RXRA: variants seen among roughly 807,000 people sequenced by gnomAD.
RXRA encodes retinoic acid receptor RXR-alpha.
In RXRA, 5 loss-of-function variants were observed where a neutral mutation model predicts 44.5. The ratio of observed to expected loss-of-function variants is 0.11; its 90% confidence interval spans 0.06 to 0.24. The LOEUF (loss-of-function observed/expected upper bound fraction) is 0.24, where lower values mean the gene tolerates loss of function less well. Among genes scored for constraint, RXRA ranks in the 10% least tolerant of loss-of-function variants. The pLI, the probability that RXRA is intolerant of heterozygous loss-of-function variation, is 1.00. For missense variants in RXRA, 412 were observed against 646.5 expected (o/e 0.64, Z 3.93); for synonymous variants, 291 against 271.4 (o/e 1.07, Z -0.71).
intron 1 of RXRA, among the ~76,000 whole-genome samples, chr9:134,348,392 G>A (rs1313977512): frequency 2.0e-5 from 3 of 152,202 alleles, no homozygotes; most frequent in African/African-American, 7.2e-5. Context: ...TCTTCAGGAT[G>A]CAGGGCAGTG....
chr9:134,337,527 C>T (rs1193879584), intron 1 of RXRA, among the ~76,000 whole-genome samples: 1 of 152,170 alleles, frequency 6.6e-6, no homozygotes, highest in African/African-American at 2.4e-5. Flanking sequence ...TGTAAGGTAT[C>T]CCTGACCCCA....
chr9:134,359,366 G>A (rs1215240301), intron 1 of RXRA, among the ~76,000 whole-genome samples: 2 of 152,072 alleles, frequency 1.3e-5, no homozygotes, highest in Non-Finnish European at 2.9e-5. Flanking sequence ...TGGCAATAAC[G>A]AGCTAATTAA....
chr9:134,335,072 A>G (rs566928470), intron 1 of RXRA, among the ~76,000 whole-genome samples: 1 of 152,176 alleles, frequency 6.6e-6, no homozygotes, highest in South Asian at 2.1e-4. Context: ...CTTGCCTGGA[A>G]CCTTCCATGG....
rs145173849 is a variant in RXRA at position 134,374,705 on chromosome 9, T to A, written c.29-26927T>A. 3.9e-3 allele frequency among the ~76,000 whole-genome samples: 587 copies of A among 152,350 alleles called. 3 individuals carry two copies. The highest frequency in any genetic ancestry group is 0.013 in the African/African-American group (530 of 41,582). On this transcript the variant is annotated intron_variant, in intron 1 of 9. Transcript: ENST00000481739. ...GGTGGTAAAATTTAGACCTTTTGCC[T>A]CCTGGCGACTTCCTTCTTCAGTTTC...
chr9:134,411,211 C>G (rs1299899828), intron 4 of RXRA, among the ~76,000 whole-genome samples: 2 of 152,208 alleles, frequency 1.3e-5, no homozygotes, highest in African/African-American at 2.4e-5. Flanking sequence ...TTCCTAAGGC[C>G]CTGCAGCCCA....
chr9:134,348,837 G>A (rs917854938), intron 1 of RXRA, among the ~76,000 whole-genome samples: 1 of 152,216 alleles, frequency 6.6e-6, no homozygotes, highest in African/African-American at 2.4e-5. Flanking sequence ...CGGGCCTGGG[G>A]TTGCAGTCCC....
intron 9 of RXRA, among the ~76,000 whole-genome samples, chr9:134,435,641 A>C (rs1012706239): frequency 1.3e-5 from 2 of 152,148 alleles, no homozygotes; most frequent in Non-Finnish European, 2.9e-5. Context: ...ACAGCTCCCA[A>C]GTCAGGCCTG....
At position 134,357,234 on chromosome 9, in the gene RXRA, C is replaced by T. The variant is rs554212281; in HGVS notation, c.28+30575C>T. On this transcript the variant is annotated intron_variant, in intron 1 of 9. Coordinates refer to ENST00000481739, the MANE Select transcript of RXRA (RefSeq NM_002957.6). ...GGTTGGACAGGTTTGGCTCCTGCCC[C>T]GGGTGGAGGGCCCTTCTCCAGAGCC... is the stretch of plus-strand genomic sequence containing the variant. Among the ~76,000 whole-genome samples the T allele has an allele frequency of 3.9e-5, 6 of 152,314 alleles. No homozygotes were observed. The East Asian group carries it at 7.7e-4, about 20-fold the overall frequency.
chr9:134,436,922 C>T lies in RXRA; in HGVS notation c.*308C>T, dbSNP rs1055704590. ...CCTGCCACACCCCACGGGGCTTGGG[C>T]GACTACAGGGTCTTCGGGCCCCAGC... On this transcript the variant is annotated 3_prime_UTR_variant, in exon 10 of 10. Coordinates refer to ENST00000481739, the MANE Select transcript of RXRA (RefSeq NM_002957.6). The T allele has an allele frequency of 1.9e-5, 7 of 362,396 alleles. No homozygotes were observed. Among genetic ancestry groups the T allele is most frequent in the African/African-American group, 4.1e-5 (2 of 48,568 alleles). 22.4% of individuals were successfully genotyped at this position (362,396 alleles called of 1,614,324 possible).
intron 1 of RXRA, among the ~76,000 whole-genome samples, chr9:134,391,486 G>A (rs994677357): frequency 6.6e-6 from 1 of 152,156 alleles, no homozygotes; most frequent in Non-Finnish European, 1.5e-5. Context: ...CAGGCTGGGG[G>A]CCCCCTCGCC....
At chr9:134,377,593 C>T (rs1035354725) in intron 1 of RXRA, among the ~76,000 whole-genome samples, 4 of 152,206 alleles carry the variant, frequency 2.6e-5, no homozygotes, top group Admixed American at 6.5e-5. Flanking sequence ...CGGAGATATC[C>T]GTTTTCCCAA....
At chr9:134,413,219 G>A (rs1208172950) in intron 4 of RXRA, among the ~76,000 whole-genome samples, 3 of 152,158 alleles carry the variant, frequency 2.0e-5, no homozygotes, top group African/African-American at 7.2e-5. Context: ...AGTGCTGTGC[G>A]TGGCTGGTGG....
intron 1 of RXRA, among the ~76,000 whole-genome samples, chr9:134,353,687 T>C (rs12347354): frequency 0.32 from 48,387 of 152,076 alleles, 9,452 homozygotes; most frequent in African/African-American, 0.56. Context: ...GAGGTGCCCT[T>C]GGGGTGGGGG....
chr9:134,411,660 C>G (rs1172441030), intron 4 of RXRA, among the ~76,000 whole-genome samples: 3 of 152,224 alleles, frequency 2.0e-5, no homozygotes, highest in Non-Finnish European at 4.4e-5. Context: ...TCCCCTTTGC[C>G]TCCAGCAGGA....
At chr9:134,408,008 TG>T (rs1425384629) in intron 2 of RXRA, 140 bp from the exon 3 acceptor site, 7 of 518,592 alleles carry the variant, frequency 1.3e-5, no homozygotes, top group Non-Finnish European at 1.6e-5. Context: ...GCGTGGCGGG[TG>T]GGGGGCACGG....
At chr9:134,360,553 C>T (rs566509762) in intron 1 of RXRA, among the ~76,000 whole-genome samples, 2 of 152,384 alleles carry the variant, frequency 1.3e-5, no homozygotes, top group African/African-American at 2.4e-5. Context: ...GCGCCCCTTC[C>T]GGCGCACTTG....
chr9:134,394,352 C>G (rs556786554), intron 1 of RXRA, among the ~76,000 whole-genome samples: 2 of 150,222 alleles, frequency 1.3e-5, no homozygotes, highest in South Asian at 2.1e-4. Flanking sequence ...GTTTTATAAT[C>G]AAGAGTGGTT....
chr9:134,424,670 A>G (rs1446434424), intron 6 of RXRA: 1 of 985,328 alleles, frequency 1.0e-6, no homozygotes. Flanking sequence ...GCACACGTCC[A>G]ATTCAGATGT....
chr9:134,405,124 G>T (rs1831028254), intron 2 of RXRA: 1 of 152,282 alleles, frequency 6.6e-6, no homozygotes. Context: ...GACCAAGGCA[G>T]ACCCCCGGGG....
Sources: gnomAD v4.1 joint callset for allele counts (sites outside exome capture counted in the v4.1 genomes callset) on GRCh38, gnomAD v4.1.1 for gene constraint, MANE v1.5 for transcripts, NCBI Gene and HGNC (gene_info 2026-07-23, HGNC 2026-07-21) for gene names.